The following LRMDA variants were observed in gnomAD, a reference collection of about 807,000 sequenced individuals.
LRMDA encodes leucine-rich melanocyte differentiation-associated protein.
In LRMDA, 18 loss-of-function variants were observed where a neutral mutation model predicts 29.8. The observed-to-expected ratio is 0.60, with a 90% CI of 0.42 to 0.90. The LOEUF (loss-of-function observed/expected upper bound fraction) is 0.90. Ranked by LOEUF, LRMDA falls within the 40% of genes least tolerant of loss-of-function variation. The pLI, the probability that LRMDA is intolerant of heterozygous loss-of-function variation, is 0.00. For missense variants in LRMDA, 273 were observed against 273.9 expected, an observed-to-expected ratio of 1.00 and a Z score of 0.02; for synonymous variants, 125 against 109.4, an observed-to-expected ratio of 1.14 and a Z score of -0.89.
intron 2 of LRMDA, among the ~76,000 whole-genome samples, chr10:75,551,282 G>T (rs985694733): frequency 6.6e-6 from 1 of 151,756 alleles, no homozygotes; most frequent in South Asian, 2.1e-4. Flanking sequence ...ATATGTAGGT[G>T]TAGAAGCACT....
chr10:76,422,282 C>G (rs1589177222), intron 6 of LRMDA, among the ~76,000 whole-genome samples: 1 of 152,206 alleles, frequency 6.6e-6, no homozygotes, highest in East Asian at 1.9e-4. Flanking sequence ...TCACTCTCCC[C>G]AAGATCTTAT....
chr10:75,765,137 T>C (rs1396962738), intron 2 of LRMDA, among the ~76,000 whole-genome samples: 1 of 152,226 alleles, frequency 6.6e-6, no homozygotes, highest in African/African-American at 2.4e-5. Flanking sequence ...CTACTTAGTT[T>C]TACTTTTGTA....
At chr10:75,544,993 C>T (rs936139341) in intron 2 of LRMDA, among the ~76,000 whole-genome samples, 2 of 151,984 alleles carry the variant, frequency 1.3e-5, no homozygotes, top group African/African-American at 4.8e-5. Flanking sequence ...ATTCTTTTGT[C>T]TTTATTATTT....
At chr10:75,945,839 T>G (rs1367334187) in intron 2 of LRMDA, among the ~76,000 whole-genome samples, 2 of 152,206 alleles carry the variant, frequency 1.3e-5, no homozygotes, top group East Asian at 3.9e-4. Context: ...TTTGCAAAAT[T>G]TGATCTAGTT....
chr10:76,254,368 G>C (rs199715577), intron 5 of LRMDA, among the ~76,000 whole-genome samples: 8,258 of 116,142 alleles, frequency 0.071, 333 homozygotes, highest in East Asian at 0.2. Context: ...CCTATGCTAT[G>C]CTATGCTATG....
chr10:76,098,280 AT>A (rs1389397428), intron 5 of LRMDA, among the ~76,000 whole-genome samples: 3 of 152,184 alleles, frequency 2.0e-5, no homozygotes, highest in African/African-American at 7.2e-5. Flanking sequence ...TATCTAATGA[AT>A]ATAGATACAT....
At chr10:75,492,413 C>T (rs1406895446) in intron 2 of LRMDA, among the ~76,000 whole-genome samples, 1 of 152,182 alleles carries the variant, frequency 6.6e-6, no homozygotes, top group Admixed American at 6.5e-5. Flanking sequence ...TCATTGCCTG[C>T]CTGCAGTATG....
intron 6 of LRMDA, among the ~76,000 whole-genome samples, chr10:76,477,665 CAG>C (rs1234531603): frequency 6.6e-6 from 1 of 152,100 alleles, no homozygotes; most frequent in African/African-American, 2.4e-5. Flanking sequence ...TACAAGGCTA[CAG>C]TAACCAAAAC....
intron 2 of LRMDA, among the ~76,000 whole-genome samples, chr10:75,750,110 G>A (rs1047824865): frequency 6.6e-6 from 1 of 152,100 alleles, no homozygotes; most frequent in East Asian, 1.9e-4. Flanking sequence ...AACCACCATC[G>A]TCATCATGGC....
chr10:76,472,044 G>C (rs1324471344), intron 6 of LRMDA, among the ~76,000 whole-genome samples: 1 of 151,646 alleles, frequency 6.6e-6, no homozygotes, highest in African/African-American at 2.4e-5. Context: ...CAAGGAAATA[G>C]AAGACTTGGA....
intron 6 of LRMDA, among the ~76,000 whole-genome samples, chr10:76,483,631 T>G (rs1037006883): frequency 6.6e-6 from 1 of 151,064 alleles, no homozygotes; most frequent in Non-Finnish European, 1.5e-5. Context: ...ATCAAAATAG[T>G]AGAAATAGTT....
intron 2 of LRMDA, among the ~76,000 whole-genome samples, chr10:75,712,794 G>A (rs1390039333): frequency 6.6e-6 from 1 of 151,736 alleles, no homozygotes; most frequent in Non-Finnish European, 1.5e-5. Flanking sequence ...CTTTTTCAGC[G>A]TCCCCCCACC....
At chr10:75,791,982 C>A (rs1047354494) in intron 2 of LRMDA, among the ~76,000 whole-genome samples, 1 of 150,680 alleles carries the variant, frequency 6.6e-6, no homozygotes, top group Admixed American at 6.7e-5. Flanking sequence ...GCCTCAGCCT[C>A]TTGAGTAGCT....
intron 2 of LRMDA, among the ~76,000 whole-genome samples, chr10:75,834,128 T>C (rs1368820575): frequency 2.0e-5 from 3 of 152,224 alleles, no homozygotes; most frequent in African/African-American, 7.2e-5. Flanking sequence ...TTTATCCTTT[T>C]TATCCCTTCT....
chr10:75,512,723 C>G (rs1305406067), intron 2 of LRMDA, among the ~76,000 whole-genome samples: 1 of 152,098 alleles, frequency 6.6e-6, no homozygotes, highest in African/African-American at 2.4e-5. Context: ...GCATCTCTCT[C>G]TCTGCTTGAT....
intron 6 of LRMDA, among the ~76,000 whole-genome samples, chr10:76,528,982 C>G (rs1205555006): frequency 6.6e-6 from 1 of 152,166 alleles, no homozygotes; most frequent in Non-Finnish European, 1.5e-5. Context: ...AATATAGATA[C>G]TGGGTAGCCG....
chr10:76,528,798 G>A lies in LRMDA; in HGVS notation c.602-28411G>A, dbSNP rs950571190. The stretch of plus-strand genomic sequence containing the variant: ...TAGGAACACAGGCTTCTTTGATTTT[G>A]GTTCTATCTTCCAACAGACTGGCTC... On this transcript the variant is annotated intron_variant, in intron 6 of 6. Coordinates refer to ENST00000611255, the MANE Select transcript of LRMDA (RefSeq NM_001305581.2). Among the ~76,000 whole-genome samples the A allele has an allele frequency of 3.3e-5, 5 of 151,984 alleles. No individual in the cohort carries two copies. In the East Asian group the frequency reaches 9.7e-4, roughly 29 times the overall value.
chr10:75,802,061 G>A (rs1282765333), intron 2 of LRMDA, among the ~76,000 whole-genome samples: 1 of 152,114 alleles, frequency 6.6e-6, no homozygotes, highest in Non-Finnish European at 1.5e-5. Context: ...GCTCATGCCT[G>A]TAATCCCAAC....
chr10:75,605,910 T>C (rs1840950258), intron 2 of LRMDA, among the ~76,000 whole-genome samples: 1 of 152,140 alleles, frequency 6.6e-6, no homozygotes, highest in African/African-American at 2.4e-5. Flanking sequence ...CAGGCTGGAG[T>C]GCAGTGGCGC....
Sources: gnomAD v4.1 joint callset for allele counts (sites outside exome capture counted in the v4.1 genomes callset) on GRCh38, gnomAD v4.1.1 for gene constraint, MANE v1.5 for transcripts, NCBI Gene and HGNC (gene_info 2026-07-23, HGNC 2026-07-21) for gene names.